Variants in PACRG observed in about 807,000 individuals in gnomAD.
PACRG encodes parkin coregulated gene protein.
Under a neutral mutation model 29.7 loss-of-function variants are expected in PACRG, and 29 were observed. The observed-to-expected ratio is 0.98, with a 90% CI of 0.73 to 1.33. The LOEUF is 1.33. PACRG is among the 40% of genes most tolerant of loss of function. The pLI is 0.00. For synonymous variants in PACRG, 116 were observed against 118.7 expected (o/e 0.98, Z 0.15); for missense variants, 279 against 316.2 (o/e 0.88, Z 0.89).
At chr6:162,938,347 G>A (rs1182572132) in intron 2 of PACRG, among the ~76,000 whole-genome samples, 1 of 152,214 alleles carries the variant, frequency 6.6e-6, no homozygotes, top group Non-Finnish European at 1.5e-5. Flanking sequence ...TGGGAATTGT[G>A]CTGCTATAAA....
At position 163,094,981 on chromosome 6, in the gene PACRG, A is replaced by G. The variant is rs192077053; in HGVS notation, c.613+5573A>G. Reference sequence around the variant, plus strand: ...CTACTTCTTCCAAGCATTCTCTATAAGCAGAGCTCCCAAAGCCTGGAAAAT... The same window carrying G: ...CTACTTCTTCCAAGCATTCTCTATAGGCAGAGCTCCCAAAGCCTGGAAAAT... On this transcript the variant is annotated intron_variant, in intron 4 of 4. Transcript: ENST00000366888. Among the ~76,000 whole-genome samples the G allele has an allele frequency of 4.4e-4, 67 of 152,278 alleles. No individual in the cohort carries two copies. In the East Asian group the frequency reaches 0.012, roughly 27 times the overall value.
intron 4 of PACRG, among the ~76,000 whole-genome samples, chr6:163,301,939 C>T (rs1199806228): frequency 6.6e-6 from 1 of 152,248 alleles, no homozygotes; most frequent in Non-Finnish European, 1.5e-5. Context: ...GCCTCCGCCC[C>T]TCAGGGGTCC....
chr6:163,027,747 C>G (rs762821326), intron 2 of PACRG, among the ~76,000 whole-genome samples: 1 of 152,184 alleles, frequency 6.6e-6, no homozygotes, highest in Non-Finnish European at 1.5e-5. Context: ...CTTTCATGGC[C>G]AGTCAAGAGA....
At chr6:162,954,162 C>G (rs562902673) in intron 2 of PACRG, among the ~76,000 whole-genome samples, 11 of 152,190 alleles carry the variant, frequency 7.2e-5, no homozygotes, top group Non-Finnish European at 1.5e-4. Flanking sequence ...TCATCTACCA[C>G]TTCAGAGACT....
chr6:163,219,319 G>A (rs527391752), intron 4 of PACRG, among the ~76,000 whole-genome samples: 1 of 152,242 alleles, frequency 6.6e-6, no homozygotes, highest in Non-Finnish European at 1.5e-5. Context: ...AGCCCATCCA[G>A]CAGCAAAGCT....
intron 2 of PACRG, among the ~76,000 whole-genome samples, chr6:163,027,199 C>T (rs980827395): frequency 5.3e-5 from 8 of 152,074 alleles, no homozygotes; most frequent in African/African-American, 1.7e-4. Context: ...ACTCTGGTTG[C>T]GTGTATTTTT....
chr6:162,850,605 C>G (rs57295946), intron 2 of PACRG, among the ~76,000 whole-genome samples: 4,277 of 152,236 alleles, frequency 0.028, 198 homozygotes, highest in African/African-American at 0.098. Flanking sequence ...GGACAGGGCT[C>G]AGGGAGCTCG....
At chr6:163,166,041 T>TA (rs1459961300) in intron 4 of PACRG, 1 of 452,768 alleles carries the variant, frequency 2.2e-6, no homozygotes, top group African/African-American at 2.0e-5. Context: ...CGATTTCATC[T>TA]AAATCCGAGT....
intron 2 of PACRG, among the ~76,000 whole-genome samples, chr6:162,838,680 G>A (rs1052786206): frequency 2.6e-5 from 4 of 151,436 alleles, no homozygotes; most frequent in Non-Finnish European, 2.9e-5. Flanking sequence ...CCATGCTGGT[G>A]TGCTGCACCC....
Position 163,088,396 on chromosome 6 carries a change from C to T in PACRG, c.464-863C>T, listed in dbSNP as rs1325256096. 3.3e-5 allele frequency among the ~76,000 whole-genome samples: 5 copies of T among 152,124 alleles called. No homozygotes were observed. In the South Asian group the frequency reaches 1.0e-3, roughly 32 times the overall value. ...GTTTTATCTGGCTCTTCTACTTAAA[C>T]CATGGTACTTTTAGCCATCTTAGAA... On this transcript the variant is annotated intron_variant, in intron 3 of 4. Coordinates refer to ENST00000366888, the MANE Select transcript of PACRG (RefSeq NM_001080379.2).
chr6:163,032,458 G>GA (rs376397604), intron 2 of PACRG, among the ~76,000 whole-genome samples: 2 of 152,238 alleles, frequency 1.3e-5, no homozygotes, highest in African/African-American at 4.8e-5. Context: ...ATCAAAATAA[G>GA]ACAATTGTTT....
chr6:163,076,008 C>G (rs1434263540), intron 3 of PACRG, among the ~76,000 whole-genome samples: 1 of 152,194 alleles, frequency 6.6e-6, no homozygotes, highest in African/African-American at 2.4e-5. Flanking sequence ...CATTTCACTT[C>G]TATTCACTAT....
chr6:163,068,334 A>G (rs527535452), intron 3 of PACRG, among the ~76,000 whole-genome samples: 8 of 152,318 alleles, frequency 5.3e-5, no homozygotes, highest in African/African-American at 1.9e-4. Context: ...TCATGTCTCT[A>G]TCGCCTCCAG....
intron 2 of PACRG, among the ~76,000 whole-genome samples, chr6:162,885,705 C>T (rs1197701737): frequency 1.3e-5 from 2 of 152,120 alleles, no homozygotes; most frequent in Non-Finnish European, 1.5e-5. Flanking sequence ...TTCAGTGTTC[C>T]TGGTGACTTT....
chr6:162,886,410 A>T (rs1345120726), intron 2 of PACRG, among the ~76,000 whole-genome samples: 1 of 152,054 alleles, frequency 6.6e-6, no homozygotes, highest in Non-Finnish European at 1.5e-5. Flanking sequence ...CCTTTTCAAA[A>T]ACCTGTTTCA....
At chr6:163,062,993 A>G (rs879650569) in intron 3 of PACRG, among the ~76,000 whole-genome samples, 1 of 152,112 alleles carries the variant, frequency 6.6e-6, no homozygotes, top group Non-Finnish European at 1.5e-5. Flanking sequence ...CCTTGCTGCC[A>G]GTAGAGCCAC....
intron 1 of PACRG, among the ~76,000 whole-genome samples, chr6:162,794,296 G>T (rs1785190936): frequency 6.6e-6 from 1 of 151,880 alleles, no homozygotes; most frequent in African/African-American, 2.4e-5. Flanking sequence ...TTTTCTGTGG[G>T]GTTGTGTTTC....
intron 4 of PACRG, chr6:163,191,994 A>T (rs1780239106): frequency 3.4e-6 from 1 of 292,106 alleles, no homozygotes; most frequent in Non-Finnish European, 6.8e-6. Context: ...TTGTTGTTGA[A>T]TTGATTTCAG....
At chr6:162,887,882 T>C (rs1794467039) in intron 2 of PACRG, among the ~76,000 whole-genome samples, 1 of 152,110 alleles carries the variant, frequency 6.6e-6, no homozygotes, top group African/African-American at 2.4e-5. Flanking sequence ...TTGGTGACTG[T>C]CTTTGTCTGC....
Sources: allele counts gnomAD v4.1 joint callset (sites outside exome capture counted in the v4.1 genomes callset), GRCh38; gene constraint gnomAD v4.1.1; transcripts MANE v1.5; gene names NCBI Gene and HGNC (gene_info 2026-07-23, HGNC 2026-07-21).